The following NPAS3 variants were observed in gnomAD, a reference collection of about 807,000 sequenced individuals.
The protein encoded by NPAS3 is neuronal PAS domain-containing protein 3.
NPAS3 carries 14 observed loss-of-function variants against 73.1 expected under a neutral mutation model. That is an observed-to-expected ratio of 0.19 (90% confidence interval 0.13 to 0.30). NPAS3 has a LOEUF of 0.30. Ranked by LOEUF, NPAS3 falls within the 10% of genes least tolerant of loss-of-function variation. The probability of loss-of-function intolerance (pLI) is 1.00; values close to 1 mark genes in which losing one functional copy is unlikely to be tolerated. For synonymous variants in NPAS3, 620 were observed against 541.5 expected, an observed-to-expected ratio of 1.14 and a Z score of -2.01; for missense variants, 1,096 against 1,250.0, an observed-to-expected ratio of 0.88 and a Z score of 1.86.
At chr14:33,538,093 T>C (rs138753188) in intron 4 of NPAS3, among the ~76,000 whole-genome samples, 1 of 152,210 alleles carries the variant, frequency 6.6e-6, no homozygotes, top group African/African-American at 2.4e-5. Context: ...TGAGTCCCTT[T>C]TGTGTCATTT....
At chr14:33,337,104 A>C (rs1319627793) in intron 3 of NPAS3, among the ~76,000 whole-genome samples, 3 of 152,180 alleles carry the variant, frequency 2.0e-5, no homozygotes, top group Non-Finnish European at 4.4e-5. Flanking sequence ...TTTGTCATTT[A>C]TTTCTTTTAT....
intron 4 of NPAS3, among the ~76,000 whole-genome samples, chr14:33,544,825 A>ATATATATATATATATATATATATAAT: frequency 8.9e-6 from 1 of 112,192 alleles, no homozygotes. Flanking sequence ...TATATAATAT[A>ATATATATATATATATATATATATAAT]TATGTGTATA....
At chr14:33,655,188 A>G (rs1430841700) in intron 5 of NPAS3, among the ~76,000 whole-genome samples, 3 of 152,208 alleles carry the variant, frequency 2.0e-5, no homozygotes, top group African/African-American at 7.2e-5. Context: ...CTCAAAGCTG[A>G]GACTAGAACC....
chr14:32,948,554 G>T (rs973055897), intron 1 of NPAS3, among the ~76,000 whole-genome samples: 2 of 152,022 alleles, frequency 1.3e-5, no homozygotes, highest in Admixed American at 1.3e-4. Flanking sequence ...GAAATCAGCA[G>T]CCATCAGTTT....
At chr14:33,507,984 C>T (rs576125300) in intron 4 of NPAS3, among the ~76,000 whole-genome samples, 12 of 152,034 alleles carry the variant, frequency 7.9e-5, no homozygotes, top group Admixed American at 1.3e-4. Context: ...CTCATCAAGA[C>T]GCTGAGAGGC....
chr14:33,089,508 C>A (rs1203240396), intron 2 of NPAS3, among the ~76,000 whole-genome samples: 2 of 152,030 alleles, frequency 1.3e-5, no homozygotes, highest in East Asian at 3.9e-4. Flanking sequence ...GTGAAAAGGC[C>A]AAATCTACAT....
In NPAS3 at chr14:33,512,682, T is replaced by G. The variant is rs17101411; in HGVS notation, c.469-47439T>G. On this transcript the variant is annotated intron_variant, in intron 4 of 11. Transcript: ENST00000356141. ...TTTCTCTCTTTGTAGAACTTCTGGTTTCTTCTGTGGCAAGGTCAGAAACAA... is the reference window on the plus strand; with the variant it reads ...TTTCTCTCTTTGTAGAACTTCTGGTGTCTTCTGTGGCAAGGTCAGAAACAA... 4.1e-3 allele frequency among the ~76,000 whole-genome samples: 624 copies of G among 152,158 alleles called. 6 individuals are homozygous for G. The highest frequency in any genetic ancestry group is 0.014 in the African/African-American group (588 of 41,550).
At chr14:33,662,503 G>A (rs1313485498) in intron 5 of NPAS3, among the ~76,000 whole-genome samples, 2 of 152,242 alleles carry the variant, frequency 1.3e-5, no homozygotes, top group African/African-American at 4.8e-5. Flanking sequence ...ATGGTAGCTT[G>A]ATGGGGATAG....
chr14:33,776,945 A>C (rs574134119), intron 8 of NPAS3, among the ~76,000 whole-genome samples: 392 of 152,306 alleles, frequency 2.6e-3, no homozygotes, highest in Non-Finnish European at 4.7e-3. Flanking sequence ...TTAAGGATTT[A>C]ATTCAAGAAA....
chr14:33,316,183 G>A (rs1224883685), intron 3 of NPAS3, among the ~76,000 whole-genome samples: 1 of 152,060 alleles, frequency 6.6e-6, no homozygotes, highest in African/African-American at 2.4e-5. Flanking sequence ...ATACATATCA[G>A]TTACCTTAAT....
chr14:33,621,443 T>C (rs917404523), intron 5 of NPAS3, among the ~76,000 whole-genome samples: 1 of 152,170 alleles, frequency 6.6e-6, no homozygotes, highest in African/African-American at 2.4e-5. Flanking sequence ...TCATACCTTG[T>C]ATCATTGTGC....
At chr14:33,660,010 G>A (rs756513474) in intron 5 of NPAS3, among the ~76,000 whole-genome samples, 1 of 152,118 alleles carries the variant, frequency 6.6e-6, no homozygotes, top group East Asian at 1.9e-4. Flanking sequence ...CTCACAAAGG[G>A]TTGGTTGTTC....
intron 3 of NPAS3, among the ~76,000 whole-genome samples, chr14:33,301,334 TA>T (rs1594638089): frequency 4.0e-5 from 3 of 75,196 alleles, no homozygotes; most frequent in South Asian, 6.8e-4. Context: ...TTTTTTTTTT[TA>T]AATCTAGCTG....
At chr14:33,307,523 G>C (rs1450410733) in intron 3 of NPAS3, among the ~76,000 whole-genome samples, 1 of 151,242 alleles carries the variant, frequency 6.6e-6, no homozygotes, top group East Asian at 1.9e-4. Flanking sequence ...TTATATAATT[G>C]TGATCATGAT....
At chr14:33,758,810 G>A (rs550209016) in intron 7 of NPAS3, among the ~76,000 whole-genome samples, 1 of 152,214 alleles carries the variant, frequency 6.6e-6, no homozygotes, top group Non-Finnish European at 1.5e-5. Context: ...AGATGTCAAG[G>A]GACACTACCA....
chr14:33,043,238 A>G (rs1348416252), intron 1 of NPAS3, among the ~76,000 whole-genome samples: 1 of 152,176 alleles, frequency 6.6e-6, no homozygotes, highest in African/African-American at 2.4e-5. Context: ...AAACCTCAAA[A>G]TAAAACATTG....
chr14:33,698,259 A>G (rs2060440129), intron 6 of NPAS3, among the ~76,000 whole-genome samples: 1 of 152,250 alleles, frequency 6.6e-6, no homozygotes, highest in Admixed American at 6.5e-5. Flanking sequence ...GACCTCCAGA[A>G]TTTTCAGAAG....
chr14:33,501,956 G>A (rs1225838591), intron 4 of NPAS3, among the ~76,000 whole-genome samples: 1 of 151,908 alleles, frequency 6.6e-6, no homozygotes, highest in African/African-American at 2.4e-5. Flanking sequence ...AGGACCCTGT[G>A]AGTAAACCCT....
intron 2 of NPAS3, among the ~76,000 whole-genome samples, chr14:33,080,809 A>T (rs2041841056): frequency 6.6e-6 from 1 of 152,220 alleles, no homozygotes; most frequent in Non-Finnish European, 1.5e-5. Context: ...TAGGGAGCCC[A>T]TCTAGAGGTT....
Sources: allele counts gnomAD v4.1 joint callset (sites outside exome capture counted in the v4.1 genomes callset), GRCh38; gene constraint gnomAD v4.1.1; transcripts MANE v1.5; gene names NCBI Gene and HGNC (gene_info 2026-07-23, HGNC 2026-07-21).